Variants in MATR3 observed in about 807,000 individuals in gnomAD.
MATR3 encodes the protein matrin 3, also known as matrin-3.
In MATR3, 4 loss-of-function variants were observed where a neutral mutation model predicts 85.5. The ratio of observed to expected loss-of-function variants is 0.05; its 90% CI spans 0.02 to 0.11. The LOEUF is 0.11. Ranked by LOEUF, MATR3 falls within the 10% of genes least tolerant of loss-of-function variation. The pLI is 1.00. For synonymous variants in MATR3, 336 were observed against 343.1 expected, an observed-to-expected ratio of 0.98 and a Z score of 0.23; for missense variants, 685 against 1,016.1, an observed-to-expected ratio of 0.67 and a Z score of 4.43.
intron 3 of MATR3, among the ~76,000 whole-genome samples, chr5:139,287,480 A>G (rs1286377945): frequency 3.9e-5 from 6 of 152,096 alleles, no homozygotes; most frequent in South Asian, 2.1e-4. Context: ...TTAGCTGGAC[A>G]TGTTGGCGCG....
chr5:139,291,600 C>T (rs1460562072), upstream of MATR3, among the ~76,000 whole-genome samples: 4 of 151,990 alleles, frequency 2.6e-5, no homozygotes, highest in Admixed American at 6.5e-5. Flanking sequence ...TGCAATGGCG[C>T]GACCTTGGCT....
intron 1 of MATR3, among the ~76,000 whole-genome samples, chr5:139,300,845 C>T (rs751131835): frequency 6.6e-6 from 1 of 151,508 alleles, no homozygotes; most frequent in Non-Finnish European, 1.5e-5. Context: ...CAGAGTTTTG[C>T]TCTTGTTGCC....
intron 9 of MATR3, among the ~76,000 whole-genome samples, chr5:139,321,364 G>A (rs1208508831): frequency 6.6e-6 from 1 of 151,854 alleles, no homozygotes; most frequent in African/African-American, 2.4e-5. Context: ...TACTGGTCAG[G>A]CTGTTCTCGG....
At chr5:139,300,409 T>C (rs888451853) in intron 1 of MATR3, among the ~76,000 whole-genome samples, 1 of 152,206 alleles carries the variant, frequency 6.6e-6, no homozygotes, top group Non-Finnish European at 1.5e-5. Context: ...TTTTGAAAGC[T>C]GATTCCTGGT....
chr5:139,302,263 A>G (rs1310654965), intron 1 of MATR3, among the ~76,000 whole-genome samples: 2 of 152,084 alleles, frequency 1.3e-5, no homozygotes, highest in Non-Finnish European at 2.9e-5. Flanking sequence ...CGCCTGGCCT[A>G]TTTTAAAAAC....
chr5:139,302,832 G>C (rs571014773), intron 1 of MATR3, among the ~76,000 whole-genome samples: 1 of 152,280 alleles, frequency 6.6e-6, no homozygotes, highest in East Asian at 1.9e-4. Flanking sequence ...AAGGTGATTG[G>C]CCTTGATAGA....
chr5:139,284,374 G>A (rs1753636319), intron 3 of MATR3, among the ~76,000 whole-genome samples: 1 of 152,146 alleles, frequency 6.6e-6, no homozygotes, highest in Admixed American at 6.5e-5. Context: ...AGAGGCTGAG[G>A]TGGGTGGATC....
intron 3 of MATR3, chr5:139,285,105 T>C: frequency 6.6e-6 from 1 of 152,184 alleles, no homozygotes; most frequent in East Asian, 1.9e-4. Context: ...TACTGTTTGG[T>C]TTAGGAGCTT....
intron 1 of MATR3, among the ~76,000 whole-genome samples, chr5:139,303,559 C>A (rs1161448306): frequency 6.6e-6 from 1 of 152,018 alleles, no homozygotes; most frequent in Admixed American, 6.5e-5. Context: ...ATGGTGAAAA[C>A]CCCCTCTCTA....
chr5:139,296,533 C>T (rs1329535124), intron 1 of MATR3, among the ~76,000 whole-genome samples: 1 of 152,158 alleles, frequency 6.6e-6, no homozygotes, highest in Non-Finnish European at 1.5e-5. Flanking sequence ...AATACTGTAA[C>T]TGCTTAAAAT....
chr5:139,301,573 C>A (rs962976450), intron 1 of MATR3, among the ~76,000 whole-genome samples: 1 of 151,996 alleles, frequency 6.6e-6, no homozygotes, highest in Non-Finnish European at 1.5e-5. Context: ...CCTCTCGCCT[C>A]GGCCTCCCAA....
intron 3 of MATR3, among the ~76,000 whole-genome samples, chr5:139,287,590 G>T (rs1295178634): frequency 6.6e-6 from 1 of 152,002 alleles, no homozygotes; most frequent in Non-Finnish European, 1.5e-5. Flanking sequence ...TTGCACACTA[G>T]CCTGGGCAAC....
upstream of MATR3, among the ~76,000 whole-genome samples, chr5:139,291,452 A>G (rs1454066507): frequency 6.6e-6 from 1 of 152,222 alleles, no homozygotes; most frequent in Non-Finnish European, 1.5e-5. Flanking sequence ...ATCACTGACT[A>G]AATTAGATTG....
chr5:139,315,605 C>T lies in MATR3; in HGVS notation c.975-92C>T, dbSNP rs868525263. 52 of 808,866 alleles carry T rather than the reference C, an allele frequency of 6.4e-5. No individual in the cohort carries two copies. In the Middle Eastern group the frequency reaches 2.9e-3, roughly 45 times the overall value. The allele number at this position is 808,866 out of a possible 1,614,324, so 50.1% of individuals were successfully genotyped here. On this transcript the variant is annotated intron_variant, in intron 3 of 14. Coordinates refer to ENST00000394805, the MANE Select transcript of MATR3 (RefSeq NM_018834.6). ...ACACTTAGACTCTCAGATAACTTTA[C>T]TAATAAATGATCTCTATTTTAGAGG...
In MATR3 at chr5:139,294,052, C is replaced by T. The variant is rs1037691202; in HGVS notation, c.-178+247C>T. 6 of 1,249,160 alleles carry T rather than the reference C, an allele frequency of 4.8e-6. No homozygotes were observed. In the East Asian group the frequency reaches 9.4e-5, roughly 20 times the overall value. The allele number at this position is 1,249,160 out of a possible 1,614,324, so 77.4% of individuals were successfully genotyped here. On this transcript the variant is annotated intron_variant, in intron 1 of 14. Coordinates refer to ENST00000394805, the MANE Select transcript of MATR3 (RefSeq NM_018834.6). ...AGGTGAGCGGTCCGGGAGGGAAACA[C>T]GCGGCCGGCCAAGGGCCCAGGGTGC...
chr5:139,296,942 G>A (rs370963733), intron 1 of MATR3, among the ~76,000 whole-genome samples: 3 of 152,192 alleles, frequency 2.0e-5, no homozygotes, highest in African/African-American at 7.2e-5. Flanking sequence ...GGCCAAGGCG[G>A]GCGGATCATC....
At chr5:139,327,863 T>C (rs961204170) in intron 14 of MATR3, among the ~76,000 whole-genome samples, 1 of 152,036 alleles carries the variant, frequency 6.6e-6, no homozygotes, top group Non-Finnish European at 1.5e-5. Flanking sequence ...ATATTTTATT[T>C]ATTTTTTTTT....
rs2151960855 is a variant in MATR3, at chr5:139,307,864, C to G, written c.449C>G (p.Thr150Ser). 1 of 1,614,084 alleles carries G rather than the reference C, an allele frequency of 6.2e-7. No individual in the cohort carries two copies. The highest frequency in any genetic ancestry group is 8.5e-7 in the Non-Finnish European group (1 of 1,180,010). ...QILLQLKRRRTEEGPTLSYGR... is the reference protein window; with the variant it reads ...QILLQLKRRRSEEGPTLSYGR... ...CTTCTACAGCTTAAAAGGAGGAGAA[C>G]TGAAGAAGGCCCTACCTTGAGTTAT... Residue 150 changes from threonine (T) to serine (S), a missense_variant, in exon 2 of 15, where the codon ACT becomes AGT. Coordinates refer to ENST00000394805, the MANE Select transcript of MATR3 (RefSeq NM_018834.6). This position sits in a 1 kb window ranked among gnomAD's most constrained non-coding sequence, Gnocchi z 4.4.
At position 139,319,143 on chromosome 5, in the gene MATR3, T is replaced by A. The variant is rs533333315; in HGVS notation, c.1434+110T>A. 25 of 1,358,320 alleles carry A rather than the reference T, an allele frequency of 1.8e-5. No individual in the cohort carries two copies. In the East Asian group the frequency reaches 6.1e-4, roughly 33 times the overall value. The allele number at this position is 1,358,320 out of a possible 1,614,324, so 84.1% of individuals were successfully genotyped here. On this transcript the variant is annotated intron_variant, in intron 8 of 14. Coordinates refer to ENST00000394805, the MANE Select transcript of MATR3 (RefSeq NM_018834.6). ...AAGGCCAGGTGTGGTGGCTCACGCC[T>A]GTAATCCCAGCACCTTGGGAGGCCA...
Sources: allele counts gnomAD v4.1 joint callset (sites outside exome capture counted in the v4.1 genomes callset), GRCh38; gene constraint gnomAD v4.1.1; non-coding constraint Gnocchi (gnomAD v3.1); transcripts MANE v1.5; gene names NCBI Gene and HGNC (gene_info 2026-07-23, HGNC 2026-07-21).